Variants in SULT4A1 observed in about 807,000 individuals in gnomAD.
SULT4A1 encodes the protein sulfotransferase family 4A member 1, also known as sulfotransferase 4A1.
In SULT4A1, 11 loss-of-function variants were observed where a neutral mutation model predicts 35.2. That is an observed-to-expected ratio of 0.31 (90% CI 0.20 to 0.52). The LOEUF (loss-of-function observed/expected upper bound fraction) is 0.52, where lower values mean the gene tolerates loss of function less well. SULT4A1 is among the 20% of genes least tolerant of loss of function. SULT4A1 has a pLI of 0.97. For synonymous variants in SULT4A1, 152 were observed against 151.8 expected, an observed-to-expected ratio of 1.00 and a Z score of -0.01; for missense variants, 271 against 383.7, an observed-to-expected ratio of 0.71 and a Z score of 2.45.
At chr22:43,847,228 G>T (rs543304105) in intron 1 of SULT4A1, among the ~76,000 whole-genome samples, 1 of 152,204 alleles carries the variant, frequency 6.6e-6, no homozygotes, top group South Asian at 2.1e-4. Context: ...AACACGCAGG[G>T]AACAGGCCCC....
intron 1 of SULT4A1, among the ~76,000 whole-genome samples, chr22:43,845,752 T>A (rs1178457173): frequency 6.6e-6 from 1 of 151,884 alleles, no homozygotes; most frequent in Non-Finnish European, 1.5e-5. Flanking sequence ...CTGCCTCCTG[T>A]CAGATCAGCG....
Position 43,826,626 on chromosome 22 carries a change from G to GA in SULT4A1, c.743-514dup, listed in dbSNP as rs1038670642. The GA allele has an allele frequency of 5.6e-4, 551 of 983,714 alleles. 2 individuals carry two copies. The highest frequency in any genetic ancestry group is 4.3e-3 in the South Asian group (92 of 21,218). The allele number at this position is 983,714 out of a possible 1,614,324, so 60.9% of individuals were successfully genotyped here. A position where few individuals can be genotyped will look rare whatever the true frequency, so the allele number is the denominator to read the frequency against. On this transcript the variant is annotated intron_variant, in intron 6 of 6. Coordinates refer to ENST00000330884, the MANE Select transcript of SULT4A1 (RefSeq NM_014351.4). ...ATTGGCTTCGGGAGAATTTGAAAAG[G>GA]AAAAAAAAATCATTCAAAGTGCAGA...
At chr22:43,844,968 G>A (rs1395071586) in intron 1 of SULT4A1, among the ~76,000 whole-genome samples, 2 of 152,144 alleles carry the variant, frequency 1.3e-5, no homozygotes, top group African/African-American at 4.8e-5. Flanking sequence ...AGGACCCTAG[G>A]GCCAGGCAGG....
At chr22:43,829,307 T>C in intron 5 of SULT4A1, 109 bp from the exon 6 acceptor site, 1 of 1,246,350 alleles carries the variant, frequency 8.0e-7, no homozygotes, top group South Asian at 1.7e-5. Context: ...CGGCCTTCCT[T>C]ACTTAATGCT....
chr22:43,828,883 C>G, intron 6 of SULT4A1, 177 bp downstream of exon 6: 1 of 635,408 alleles, frequency 1.6e-6, no homozygotes, highest in Non-Finnish European at 2.6e-6. Flanking sequence ...ACTCCATGAG[C>G]ACTGTGCCAT....
Position 43,862,448 on chromosome 22 carries a change from C to A in SULT4A1, c.-66G>T, listed in dbSNP as rs2049485540. On this transcript the variant is annotated 5_prime_UTR_variant, in exon 1 of 7. Transcript: ENST00000330884. ...CAGCCCGCACGCGCCCGCGCCCGCG[C>A]CCGCGCCCGCGCCCCGCACACGCTC... 1.0e-6 allele frequency: 1 copy of A among 972,338 alleles called. No individual in the cohort carries two copies. The highest frequency in any genetic ancestry group is 1.2e-6 in the Non-Finnish European group (1 of 823,448). 60.2% of individuals were successfully genotyped at this position (972,338 alleles called of 1,614,324 possible).
rs750547397 is a variant in SULT4A1 at position 43,829,049 on chromosome 22, G to A, written c.742+11C>T. ...GGAGTGCCTGGGCGGGAGGCAGGGT[G>A]GGGCACGTACCCCGGCCCACGGGCA... On this transcript the variant is annotated intron_variant, in intron 6 of 6. Coordinates refer to ENST00000330884, the MANE Select transcript of SULT4A1 (RefSeq NM_014351.4). 6.6e-7 allele frequency: 1 copy of A among 1,516,410 alleles called. No individual in the cohort carries two copies. Among genetic ancestry groups the A allele is most frequent in the Non-Finnish European group, 8.9e-7 (1 of 1,125,672 alleles). 93.9% of individuals were successfully genotyped at this position (1,516,410 alleles called of 1,614,324 possible).
chr22:43,835,454 T>G (rs1250567971), intron 4 of SULT4A1, among the ~76,000 whole-genome samples: 1 of 152,208 alleles, frequency 6.6e-6, no homozygotes, highest in African/African-American at 2.4e-5. Context: ...GAGACTCCTC[T>G]GCTGGGCCCT....
At chr22:43,827,766 C>A (rs2063298569) in intron 6 of SULT4A1, 2 of 450,582 alleles carry the variant, frequency 4.4e-6, no homozygotes, top group Non-Finnish European at 4.1e-6. Flanking sequence ...CACACACACA[C>A]ACACACACAC....
chr22:43,861,307 T>A (rs575693185), intron 1 of SULT4A1, among the ~76,000 whole-genome samples: 2 of 152,280 alleles, frequency 1.3e-5, no homozygotes, highest in South Asian at 4.2e-4. Flanking sequence ...GCCAGACACC[T>A]TCTAAACCAC....
chr22:43,853,049 C>T (rs778148988), intron 1 of SULT4A1, among the ~76,000 whole-genome samples: 6 of 151,946 alleles, frequency 3.9e-5, no homozygotes, highest in Non-Finnish European at 7.4e-5. Context: ...TGTATACTCA[C>T]GCACACCACA....
chr22:43,857,624 T>C (rs2049417052), intron 1 of SULT4A1, among the ~76,000 whole-genome samples: 1 of 151,926 alleles, frequency 6.6e-6, no homozygotes, highest in Admixed American at 6.6e-5. Context: ...AACACACACA[T>C]ACAAAAACCC....
At chr22:43,856,773 G>A (rs1015322895) in intron 1 of SULT4A1, among the ~76,000 whole-genome samples, 2 of 152,108 alleles carry the variant, frequency 1.3e-5, no homozygotes, top group African/African-American at 4.8e-5. Flanking sequence ...ATCAACACCC[G>A]AACCCAAACC....
In SULT4A1 at chr22:43,833,794, G is replaced by T. The variant is rs192437042; in HGVS notation, c.509-60C>A. The T allele has an allele frequency of 3.0e-5, 43 of 1,415,488 alleles. 1 individual carries two copies. The highest frequency in any genetic ancestry group is 2.1e-4 in the Middle Eastern group (1 of 4,848). The allele number at this position is 1,415,488 out of a possible 1,614,324, so 87.7% of individuals were successfully genotyped here. A position where few individuals can be genotyped will look rare whatever the true frequency, so the allele number is the denominator to read the frequency against. On this transcript the variant is annotated intron_variant, in intron 4 of 6. Transcript: ENST00000330884. The stretch of plus-strand genomic sequence containing the variant: ...TGGGCAGGAGAAGCGCACACATGGG[G>T]CCATCCCCACCCCACAGGGCTGCCC...
rs1465395109 is a variant in SULT4A1 at position 43,835,179 on chromosome 22, G to C, written c.509-1445C>G. Among the ~76,000 whole-genome samples the C allele has an allele frequency of 2.6e-5, 4 of 152,248 alleles. No individual in the cohort carries two copies. In the East Asian group the frequency reaches 7.7e-4, roughly 29 times the overall value. On this transcript the variant is annotated intron_variant, in intron 4 of 6. Coordinates refer to ENST00000330884, the MANE Select transcript of SULT4A1 (RefSeq NM_014351.4). The stretch of plus-strand genomic sequence containing the variant: ...GCCCTGAGCTTCCTGCGTGGCCTGC[G>C]CTGCCTCAGAGCCCTTGGTGTGGGG...
chr22:43,825,983 A>G lies in SULT4A1; in HGVS notation c.*18T>C. On this transcript the variant is annotated 3_prime_UTR_variant, in exon 7 of 7. Coordinates refer to ENST00000330884, the MANE Select transcript of SULT4A1 (RefSeq NM_014351.4). ...GACTGTCTGGGTATTGTGAGCATGC[A>G]GGTTGTTGTTTCTGTTATTATAAAT... The G allele has an allele frequency of 6.2e-7, 1 of 1,609,128 alleles. No individual in the cohort carries two copies. Among genetic ancestry groups the G allele is most frequent in the Non-Finnish European group, 8.5e-7 (1 of 1,175,832 alleles).
At chr22:43,859,067 C>G (rs992346918) in intron 1 of SULT4A1, among the ~76,000 whole-genome samples, 3 of 152,132 alleles carry the variant, frequency 2.0e-5, no homozygotes, top group Non-Finnish European at 4.4e-5. Flanking sequence ...CTGCAAGTGC[C>G]ACAAGGTCAC....
At chr22:43,837,308 A>G (rs2148285609) in intron 4 of SULT4A1, among the ~76,000 whole-genome samples, 1 of 152,282 alleles carries the variant, frequency 6.6e-6, no homozygotes, top group East Asian at 1.9e-4. Flanking sequence ...TGACATGGAG[A>G]GGCCTATATT....
intron 1 of SULT4A1, among the ~76,000 whole-genome samples, chr22:43,846,049 A>G (rs1489549237): frequency 2.0e-5 from 3 of 152,160 alleles, no homozygotes; most frequent in Non-Finnish European, 4.4e-5. Context: ...ACCACTGTCC[A>G]CTGCCGCCGT....
Sources: allele counts gnomAD v4.1 joint callset (sites outside exome capture counted in the v4.1 genomes callset), GRCh38; gene constraint gnomAD v4.1.1; transcripts MANE v1.5; gene names NCBI Gene and HGNC (gene_info 2026-07-23, HGNC 2026-07-21).